HNF4G: variants seen among roughly 807,000 people sequenced by gnomAD.
The protein encoded by HNF4G is hepatocyte nuclear factor 4-gamma.
A neutral mutation model predicts 50.9 loss-of-function variants in HNF4G; 21 were observed. The ratio of observed to expected loss-of-function variants is 0.41; its 90% confidence interval spans 0.29 to 0.59. HNF4G has a LOEUF of 0.59. Among genes scored for constraint, HNF4G ranks in the 20% least tolerant of loss-of-function variants. The pLI is 0.26. For synonymous variants in HNF4G, 198 were observed against 185.6 expected (o/e 1.07, Z -0.54); for missense variants, 527 against 559.4 (o/e 0.94, Z 0.58).
intron 1 of HNF4G, among the ~76,000 whole-genome samples, chr8:75,433,568 G>C (rs1466373339): frequency 6.6e-6 from 1 of 152,036 alleles, no homozygotes; most frequent in Non-Finnish European, 1.5e-5. Context: ...AGTAGTAGTA[G>C]TAGTAGTAAT....
At chr8:75,436,425 G>A (rs1277715831) in intron 1 of HNF4G, among the ~76,000 whole-genome samples, 1 of 152,130 alleles carries the variant, frequency 6.6e-6, no homozygotes, top group African/African-American at 2.4e-5. Flanking sequence ...ACAACGTATT[G>A]TTAGTTTAGA....
At chr8:75,544,273 T>C (rs1474917041) in intron 2 of HNF4G, among the ~76,000 whole-genome samples, 1 of 152,198 alleles carries the variant, frequency 6.6e-6, no homozygotes, top group Admixed American at 6.5e-5. Flanking sequence ...CTGTCACTTT[T>C]TCTCCCTCGT....
chr8:75,450,370 T>G (rs953491444), intron 1 of HNF4G, among the ~76,000 whole-genome samples: 8 of 152,114 alleles, frequency 5.3e-5, no homozygotes, highest in African/African-American at 1.7e-4. Context: ...AGAAAAATAA[T>G]AAAACAAAAA....
chr8:75,562,485 G>A (rs1807342197), intron 9 of HNF4G, among the ~76,000 whole-genome samples: 1 of 152,082 alleles, frequency 6.6e-6, no homozygotes, highest in African/African-American at 2.4e-5. Context: ...AAAGAGAGGG[G>A]CAAGCCTAAT....
At chr8:75,551,316 AC>A in intron 3 of HNF4G, 71 bp from the exon 4 acceptor site, 2 of 805,520 alleles carry the variant, frequency 2.5e-6, no homozygotes, top group South Asian at 1.7e-5. Context: ...TAAAAAAAAA[AC>A]TCCTTAAAAT....
chr8:75,519,428 T>G (rs985650576), intron 2 of HNF4G, among the ~76,000 whole-genome samples: 1 of 152,180 alleles, frequency 6.6e-6, no homozygotes, highest in African/African-American at 2.4e-5. Flanking sequence ...CATCCCACTC[T>G]TCCAGTACCA....
chr8:75,544,404 T>A lies in HNF4G; in HGVS notation c.287+425T>A, dbSNP rs557201052. 2.8e-3 allele frequency among the ~76,000 whole-genome samples: 420 copies of A among 152,302 alleles called. 3 individuals are homozygous for A. Among genetic ancestry groups the A allele is most frequent in the Non-Finnish European group, 3.2e-3 (217 of 68,016 alleles). On this transcript the variant is annotated intron_variant, in intron 2 of 9. Coordinates refer to ENST00000396423, the MANE Select transcript of HNF4G (RefSeq NM_004133.5). Reference sequence around the variant, plus strand: ...AATCTGCATTTAAAAGGTTTTTTAATAAGAGTATTTTTCTTCATGTTTATT... The same window carrying A: ...AATCTGCATTTAAAAGGTTTTTTAAAAAGAGTATTTTTCTTCATGTTTATT...
At chr8:75,561,648 C>T (rs1807315381) in intron 9 of HNF4G, among the ~76,000 whole-genome samples, 1 of 152,112 alleles carries the variant, frequency 6.6e-6, no homozygotes, top group Admixed American at 6.6e-5. Context: ...GAAGAGTTGG[C>T]AGTGGGGTCT....
chr8:75,502,240 T>C (rs191923179), intron 2 of HNF4G, among the ~76,000 whole-genome samples: 2 of 152,262 alleles, frequency 1.3e-5, no homozygotes, highest in Non-Finnish European at 2.9e-5. Context: ...AACAAAGTTT[T>C]AAACATAAAA....
At chr8:75,449,236 G>C (rs1811515194) in intron 1 of HNF4G, among the ~76,000 whole-genome samples, 1 of 152,048 alleles carries the variant, frequency 6.6e-6, no homozygotes. Flanking sequence ...TTTGTAAAGA[G>C]ACAGATTATA....
intron 2 of HNF4G, among the ~76,000 whole-genome samples, chr8:75,491,221 G>A (rs1458644256): frequency 6.6e-6 from 1 of 152,114 alleles, no homozygotes. Context: ...GGTATATTTG[G>A]AGTGTTAGAA....
intron 2 of HNF4G, among the ~76,000 whole-genome samples, chr8:75,527,534 C>T (rs2130759289): frequency 6.6e-6 from 1 of 152,254 alleles, no homozygotes; most frequent in East Asian, 1.9e-4. Context: ...TATATATACA[C>T]AGACATACAC....
chr8:75,484,948 G>A (rs1397120087), intron 1 of HNF4G, among the ~76,000 whole-genome samples: 1 of 152,140 alleles, frequency 6.6e-6, no homozygotes, highest in Non-Finnish European at 1.5e-5. Flanking sequence ...TACAGTAGGC[G>A]GACAGCTCCA....
intron 8 of HNF4G, among the ~76,000 whole-genome samples, chr8:75,560,037 C>A (rs546096991): frequency 1.3e-5 from 2 of 152,158 alleles, no homozygotes; most frequent in South Asian, 4.2e-4. Context: ...ATACTATAAA[C>A]TTGAGGTAAG....
intron 1 of HNF4G, among the ~76,000 whole-genome samples, chr8:75,431,665 C>G (rs1018360035): frequency 6.6e-6 from 1 of 152,100 alleles, no homozygotes; most frequent in Admixed American, 6.5e-5. Context: ...CAGTGGCTCA[C>G]GCCTGTAATC....
intron 1 of HNF4G, among the ~76,000 whole-genome samples, chr8:75,457,922 AAAAG>A (rs1811760257): frequency 6.6e-6 from 1 of 152,106 alleles, no homozygotes; most frequent in Admixed American, 6.6e-5. Flanking sequence ...TAGAGAACAA[AAAAG>A]AAAGATACCA....
chr8:75,415,625 G>C (rs764160128), intron 1 of HNF4G, among the ~76,000 whole-genome samples: 1 of 152,040 alleles, frequency 6.6e-6, no homozygotes, highest in Non-Finnish European at 1.5e-5. Flanking sequence ...TTATATACAC[G>C]GTCTACAGTG....
intron 2 of HNF4G, among the ~76,000 whole-genome samples, chr8:75,501,742 T>C (rs570748284): frequency 1.3e-5 from 2 of 152,320 alleles, no homozygotes; most frequent in East Asian, 1.9e-4. Flanking sequence ...ATTTATGGTA[T>C]ACAACATTGG....
chr8:75,463,058 G>GTTTTTTTTTT (rs1219575361), intron 1 of HNF4G, among the ~76,000 whole-genome samples: 3 of 131,036 alleles, frequency 2.3e-5, no homozygotes, highest in African/African-American at 9.1e-5. Flanking sequence ...ATGTCTGCTT[G>GTTTTTTTTTT]TTTTTTTGTT....
Sources: allele counts gnomAD v4.1 joint callset (sites outside exome capture counted in the v4.1 genomes callset), GRCh38; gene constraint gnomAD v4.1.1; transcripts MANE v1.5; gene names NCBI Gene and HGNC (gene_info 2026-07-23, HGNC 2026-07-21).